The following AUTS2 variants were observed in gnomAD, a reference collection of about 807,000 sequenced individuals.
AUTS2 encodes the protein activator of transcription and developmental regulator AUTS2.
AUTS2 carries 17 observed loss-of-function variants against 112.4 expected under a neutral mutation model. That is an observed-to-expected ratio of 0.15 (90% CI 0.10 to 0.23). The LOEUF is 0.23. Ranked by LOEUF, AUTS2 falls within the 10% of genes least tolerant of loss-of-function variation. The probability of loss-of-function intolerance (pLI) is 1.00; values close to 1 mark genes in which losing one functional copy is unlikely to be tolerated. For missense variants in AUTS2, 1,510 were observed against 1,701.6 expected, an observed-to-expected ratio of 0.89 and a Z score of 1.98; for synonymous variants, 751 against 702.7, an observed-to-expected ratio of 1.07 and a Z score of -1.09.
At chr7:70,035,728 T>A (rs1479868997) in intron 2 of AUTS2, among the ~76,000 whole-genome samples, 1 of 152,146 alleles carries the variant, frequency 6.6e-6, no homozygotes, top group Non-Finnish European at 1.5e-5. Context: ...TCCAAGATGA[T>A]GTGGTCATAG....
chr7:69,636,528 G>C (rs533071821), intron 1 of AUTS2, among the ~76,000 whole-genome samples: 2 of 137,540 alleles, frequency 1.5e-5, no homozygotes, highest in South Asian at 4.6e-4. Flanking sequence ...ACAGGTGTGA[G>C]TCCCCACACC....
At chr7:70,628,733 A>G (rs1193856292) in intron 5 of AUTS2, among the ~76,000 whole-genome samples, 1 of 152,158 alleles carries the variant, frequency 6.6e-6, no homozygotes, top group Non-Finnish European at 1.5e-5. Context: ...TGTTACATTC[A>G]AAGGAGATGA....
chr7:70,497,142 A>G (rs1798581461), intron 5 of AUTS2, among the ~76,000 whole-genome samples: 1 of 132,226 alleles, frequency 7.6e-6, no homozygotes, highest in Non-Finnish European at 1.6e-5. Flanking sequence ...ATCAGCATCA[A>G]TCACACACCC....
At chr7:69,856,360 C>T (rs1407879913) in intron 1 of AUTS2, among the ~76,000 whole-genome samples, 1 of 152,166 alleles carries the variant, frequency 6.6e-6, no homozygotes. Flanking sequence ...CTTTGAGAAG[C>T]ATACTTTAGT....
chr7:70,401,100 G>T (rs1481401192), intron 4 of AUTS2, among the ~76,000 whole-genome samples: 1 of 152,180 alleles, frequency 6.6e-6, no homozygotes, highest in Admixed American at 6.5e-5. Flanking sequence ...ACTGGGCAAC[G>T]AATTTGATGG....
At chr7:69,983,601 A>G (rs1798386010) in intron 2 of AUTS2, among the ~76,000 whole-genome samples, 1 of 152,132 alleles carries the variant, frequency 6.6e-6, no homozygotes, top group South Asian at 2.1e-4. Context: ...CAAACAATTG[A>G]TGAGTCTTAA....
chr7:70,458,410 C>A (rs963576782), intron 5 of AUTS2, among the ~76,000 whole-genome samples: 1 of 152,196 alleles, frequency 6.6e-6, no homozygotes, highest in African/African-American at 2.4e-5. Context: ...AGCATGGTCT[C>A]TCAAGTATAA....
intron 4 of AUTS2, among the ~76,000 whole-genome samples, chr7:70,317,696 C>A (rs910568401): frequency 2.0e-5 from 3 of 152,178 alleles, no homozygotes; most frequent in Non-Finnish European, 4.4e-5. Context: ...TTACAAAAAG[C>A]TCCCTCAGGC....
intron 5 of AUTS2, among the ~76,000 whole-genome samples, chr7:70,643,568 T>TA (rs920049118): frequency 1.3e-5 from 2 of 151,988 alleles, no homozygotes; most frequent in African/African-American, 4.8e-5. Flanking sequence ...AGACTCCGTC[T>TA]AAAAAAAATA....
At chr7:70,375,292 T>A (rs962566821) in intron 4 of AUTS2, among the ~76,000 whole-genome samples, 1 of 152,188 alleles carries the variant, frequency 6.6e-6, no homozygotes, top group Non-Finnish European at 1.5e-5. Flanking sequence ...TGCTTTGAGA[T>A]TCCATTGGAG....
intron 5 of AUTS2, among the ~76,000 whole-genome samples, chr7:70,523,659 G>A (rs926582845): frequency 2.6e-5 from 4 of 152,198 alleles, no homozygotes; most frequent in African/African-American, 4.8e-5. Flanking sequence ...TATTCAGTAG[G>A]TCTAAACTGC....
chr7:69,709,890 C>G (rs1055864252), intron 1 of AUTS2, among the ~76,000 whole-genome samples: 1 of 111,078 alleles, frequency 9.0e-6, no homozygotes, highest in African/African-American at 3.6e-5. Flanking sequence ...TAGCATCACA[C>G]GAAACATGTC....
chr7:70,185,149 TGG>T lies in AUTS2; in HGVS notation c.660+50580_660+50581del, dbSNP rs1809530731. 2.6e-5 allele frequency among the ~76,000 whole-genome samples: 4 copies of T among 152,096 alleles called. No individual in the cohort carries two copies. In the South Asian group the frequency reaches 8.3e-4, roughly 32 times the overall value. On this transcript the variant is annotated intron_variant, in intron 4 of 18. Coordinates refer to ENST00000342771, the MANE Select transcript of AUTS2 (RefSeq NM_015570.4). ...TGAACTAATATTCACTAGAGCACTG[TGG>T]GAACTTATTTGCAACACCCTTGGCA...
chr7:70,315,456 G>C (rs901794409), intron 4 of AUTS2, among the ~76,000 whole-genome samples: 9 of 152,098 alleles, frequency 5.9e-5, no homozygotes, highest in Non-Finnish European at 1.5e-5. Flanking sequence ...GCAAATACAT[G>C]CCATGTGCTT....
At chr7:70,004,978 C>T (rs1799480390) in intron 2 of AUTS2, among the ~76,000 whole-genome samples, 2 of 151,948 alleles carry the variant, frequency 1.3e-5, no homozygotes, top group African/African-American at 4.8e-5. Flanking sequence ...GCACCTACCA[C>T]CATGCCTGGC....
intron 4 of AUTS2, among the ~76,000 whole-genome samples, chr7:70,269,761 G>T (rs1787598190): frequency 6.6e-6 from 1 of 152,134 alleles, no homozygotes; most frequent in South Asian, 2.1e-4. Context: ...CTCTCTCATA[G>T]CCCATAACAG....
chr7:70,429,570 G>A (rs894453753), intron 4 of AUTS2, among the ~76,000 whole-genome samples: 2 of 152,210 alleles, frequency 1.3e-5, no homozygotes, highest in Admixed American at 1.3e-4. Flanking sequence ...TGTTAGGATA[G>A]TGCCACACAA....
chr7:70,499,463 G>A (rs750646817), intron 5 of AUTS2, among the ~76,000 whole-genome samples: 5 of 152,156 alleles, frequency 3.3e-5, no homozygotes, highest in Admixed American at 2.0e-4. Context: ...AGAGGCTGGC[G>A]GTGCAACTTG....
chr7:69,866,497 A>G (rs1201952757), intron 1 of AUTS2, among the ~76,000 whole-genome samples: 2 of 152,186 alleles, frequency 1.3e-5, no homozygotes, highest in African/African-American at 4.8e-5. Context: ...CACATACTGT[A>G]GGTATTTAAG....
Sources: allele counts gnomAD v4.1 joint callset (sites outside exome capture counted in the v4.1 genomes callset), GRCh38; gene constraint gnomAD v4.1.1; transcripts MANE v1.5; gene names NCBI Gene and HGNC (gene_info 2026-07-23, HGNC 2026-07-21).